CIP2A: variants seen among roughly 807,000 people sequenced by gnomAD.
CIP2A encodes cellular inhibitor of PP2A.
A neutral mutation model predicts 110.9 loss-of-function variants in CIP2A; 103 were observed. That is an observed-to-expected ratio of 0.93 (90% CI 0.79 to 1.09). The LOEUF (loss-of-function observed/expected upper bound fraction) is 1.09. Among genes scored for constraint, CIP2A ranks in the 50% least tolerant of loss-of-function variants. The pLI is 0.00. For synonymous variants in CIP2A, 381 were observed against 361.6 expected (o/e 1.05, Z -0.61); for missense variants, 1,088 against 1,038.4 (o/e 1.05, Z -0.66).
intron 8 of CIP2A, among the ~76,000 whole-genome samples, chr3:108,570,934 T>C (rs1160499251): frequency 6.6e-6 from 1 of 152,162 alleles, no homozygotes; most frequent in African/African-American, 2.4e-5. Context: ...AAATACTTTA[T>C]TTACATCTGT....
At chr3:108,569,269 G>A in intron 9 of CIP2A, 120 bp downstream of exon 9, 3 of 720,934 alleles carry the variant, frequency 4.2e-6, no homozygotes, top group East Asian at 2.8e-5. Flanking sequence ...ATGACTGTTA[G>A]TAATTGAGAT....
At position 108,582,972 on chromosome 3, in the gene CIP2A, T is replaced by C; in HGVS notation, c.357+5A>G. ...AAGGGGAATACACTGTGTGGGTCTG[T>C]ATACCTGCAAAAACACCGAATCAGT... On this transcript the variant is annotated splice_donor_5th_base_variant and intron_variant, in intron 3 of 20. Coordinates refer to ENST00000295746, the MANE Select transcript of CIP2A (RefSeq NM_020890.3). The C allele has an allele frequency of 1.9e-6, 3 of 1,591,318 alleles. No homozygotes were observed. Among genetic ancestry groups the C allele is most frequent in the South Asian group, 2.2e-5 (2 of 89,632 alleles).
At chr3:108,567,299 A>G (rs2688249) in intron 10 of CIP2A, among the ~76,000 whole-genome samples, 149,953 of 151,640 alleles carry the variant, frequency 0.99, 74,169 homozygotes, top group East Asian at 1. Context: ...TCAGGGTTGA[A>G]AGTCACTGCT....
In CIP2A at chr3:108,554,528, G is replaced by C. The variant is rs6767862; in HGVS notation, c.2211-39C>G. ...AAAATGAGTTGGCATCATTATGGAG[G>C]AAAACATATGAAGGAGAAAAGAAGC... On this transcript the variant is annotated intron_variant, in intron 17 of 20. Transcript: ENST00000295746. 3.8e-3 allele frequency: 3,118 copies of C among 811,384 alleles called. 78 individuals are homozygous for C. In the African/African-American group the frequency reaches 0.049, roughly 13 times the overall value. 50.3% of individuals were successfully genotyped at this position (811,384 alleles called of 1,614,324 possible).
intron 1 of CIP2A, among the ~76,000 whole-genome samples, chr3:108,587,774 GTC>G (rs1225901003): frequency 6.6e-6 from 1 of 152,018 alleles, no homozygotes; most frequent in East Asian, 1.9e-4. Flanking sequence ...TTTTGTTTAA[GTC>G]TCTCTTTTTT....
In CIP2A at chr3:108,569,445, C is replaced by T; in HGVS notation, c.1057G>A (p.Asp353Asn). Reference sequence around the variant, plus strand: ...AAAACAGAACAGTTTTCTGATCCGTCCAAAGGTTGGCTTAACCAGCGCAGT... The same window carrying T: ...AAAACAGAACAGTTTTCTGATCCGTTCAAAGGTTGGCTTAACCAGCGCAGT... ...ALLRWLSQPL[D>N]GSENCSVLAL... is the part of the protein sequence containing the mutation. The change falls in exon 9 of 21, where the codon GAC becomes AAC. Residue 353 changes from aspartate (D) to asparagine (N), a missense_variant. Transcript: ENST00000295746. 1 of 1,612,716 alleles carries T rather than the reference C, an allele frequency of 6.2e-7. No individual in the cohort carries two copies. The highest frequency in any genetic ancestry group is 8.5e-7 in the Non-Finnish European group (1 of 1,179,270).
At chr3:108,561,723 T>C (rs1195342560) in intron 13 of CIP2A, among the ~76,000 whole-genome samples, 1 of 152,118 alleles carries the variant, frequency 6.6e-6, no homozygotes, top group Non-Finnish European at 1.5e-5. Flanking sequence ...AATGCATCCA[T>C]AATATACATT....
At chr3:108,583,872 C>T (rs138950843) in intron 2 of CIP2A, among the ~76,000 whole-genome samples, 9 of 151,830 alleles carry the variant, frequency 5.9e-5, no homozygotes, top group Admixed American at 5.2e-4. Flanking sequence ...TCATATGTAC[C>T]CCATAAGTTT....
At chr3:108,558,215 A>G (rs1937878756) in intron 16 of CIP2A, among the ~76,000 whole-genome samples, 1 of 152,146 alleles carries the variant, frequency 6.6e-6, no homozygotes, top group Admixed American at 6.6e-5. Flanking sequence ...AATTCAACAT[A>G]CCAGTTAAGA....
Position 108,559,846 on chromosome 3 carries a change from C to T in CIP2A, c.1924G>A (p.Asp642Asn). The T allele has an allele frequency of 6.2e-7, 1 of 1,607,584 alleles. No homozygotes were observed. Among genetic ancestry groups the T allele is most frequent in the Non-Finnish European group, 8.5e-7 (1 of 1,175,414 alleles). Residue 642 changes from aspartate to asparagine, a missense_variant, in exon 16 of 21, where the codon GAT (aspartate) becomes AAT (asparagine). Coordinates refer to ENST00000295746, the MANE Select transcript of CIP2A (RefSeq NM_020890.3). ...TLASKESRLQ[D>N]LLETKALALA... ...GCTAGAGCTTTTGTTTCCAAAAGAT[C>T]TTGTAGCCTGCTTTCTTTGGACTAC...
At chr3:108,553,912 A>AAAAAAAAAAAAAAAAAAAAAC (rs1937692471) in intron 18 of CIP2A, among the ~76,000 whole-genome samples, 182 bp from the exon 19 acceptor site, 1 of 134,032 alleles carries the variant, frequency 7.5e-6, no homozygotes, top group Non-Finnish European at 1.7e-5. Context: ...AAAAAAAAAA[A>AAAAAAAAAAAAAAAAAAAAAC]AAAAAAAGGT....
intron 14 of CIP2A, 152 bp from the exon 15 acceptor site, chr3:108,560,180 C>A: frequency 2.1e-6 from 1 of 467,670 alleles, no homozygotes; most frequent in Non-Finnish European, 3.8e-6. Flanking sequence ...ACAAATATTT[C>A]TTTTTTTTTT....
At chr3:108,575,348 A>G (rs575235625) in intron 8 of CIP2A, among the ~76,000 whole-genome samples, 1 of 149,574 alleles carries the variant, frequency 6.7e-6, no homozygotes, top group East Asian at 2.0e-4. Context: ...ATACATATAC[A>G]CACATGTGTA....
chr3:108,578,297 A>G (rs1014474350), intron 7 of CIP2A, among the ~76,000 whole-genome samples: 2 of 152,208 alleles, frequency 1.3e-5, no homozygotes, highest in Non-Finnish European at 2.9e-5. Context: ...GGTAGAATAG[A>G]TATACATGGA....
chr3:108,587,891 C>A (rs1939121248), intron 1 of CIP2A, among the ~76,000 whole-genome samples: 1 of 152,024 alleles, frequency 6.6e-6, no homozygotes, highest in South Asian at 2.1e-4. Flanking sequence ...AAGCGATTCT[C>A]CAGCCTCAGC....
At chr3:108,570,068 C>G (rs573489451) in intron 8 of CIP2A, among the ~76,000 whole-genome samples, 1 of 152,016 alleles carries the variant, frequency 6.6e-6, no homozygotes, top group Admixed American at 6.6e-5. Context: ...TGTTTGCATA[C>G]GGTTGGCATT....
rs925856552 is a variant in CIP2A, at chr3:108,575,895, TATATATAC to T, written c.894+368_894+375del. 6.5e-4 allele frequency among the ~76,000 whole-genome samples: 89 copies of T among 136,806 alleles called. 12 individuals are homozygous for T. The highest frequency in any genetic ancestry group is 3.9e-3 in the East Asian group (17 of 4,330). 89.8% of individuals were successfully genotyped at this position (136,806 alleles called of 152,430 possible). ...ATATACTCATATACATGTGTATGAGTATATATACATATATACATATACGTATATATACA... is the reference window on the plus strand; with the variant it reads ...ATATACTCATATACATGTGTATGAGTATATATACATATACGTATATATACA... On this transcript the variant is annotated intron_variant, in intron 8 of 20. Coordinates refer to ENST00000295746, the MANE Select transcript of CIP2A (RefSeq NM_020890.3).
chr3:108,570,703 GT>G (rs1388154984), intron 8 of CIP2A, among the ~76,000 whole-genome samples: 29 of 152,098 alleles, frequency 1.9e-4, no homozygotes. Context: ...GTTGCTCTGG[GT>G]GAGTTAATGA....
chr3:108,555,605 C>G (rs962468697), intron 17 of CIP2A, among the ~76,000 whole-genome samples: 10 of 152,124 alleles, frequency 6.6e-5, no homozygotes, highest in Non-Finnish European at 4.4e-5. Flanking sequence ...AACCACTGTT[C>G]TTTGTTCTAA....
Sources: allele counts gnomAD v4.1 joint callset (sites outside exome capture counted in the v4.1 genomes callset), GRCh38; gene constraint gnomAD v4.1.1; transcripts MANE v1.5; gene names NCBI Gene and HGNC (gene_info 2026-07-23, HGNC 2026-07-21).